Variants in METTL13 observed in about 807,000 individuals in gnomAD.
METTL13 encodes the protein eEF1A lysine and N-terminal methyltransferase.
In METTL13, 52 loss-of-function variants were observed where a neutral mutation model predicts 67.4. The observed-to-expected ratio is 0.77, with a 90% CI of 0.62 to 0.97. METTL13 has a LOEUF of 0.97. METTL13 is among the 50% of genes least tolerant of loss of function. METTL13 has a pLI of 0.00. For missense variants in METTL13, 825 were observed against 889.6 expected (o/e 0.93, Z 0.92); for synonymous variants, 354 against 353.6 (o/e 1.00, Z -0.01).
At chr1:171,782,788 C>T (rs537226464) in intron 1 of METTL13, among the ~76,000 whole-genome samples, 148 of 152,240 alleles carry the variant, frequency 9.7e-4, no homozygotes, top group African/African-American at 3.3e-3. Flanking sequence ...CTGCTCAGTC[C>T]TTAAACTATA....
rs1195121015 is a variant in METTL13, at chr1:171,797,066, C to G, written c.*310C>G. ...TGCCTTAACAAGTGTGTGCAAGCCC[C>G]TCAGAACTCAAGACATCCAAATTTT... On this transcript the variant is annotated 3_prime_UTR_variant, in exon 8 of 8. Transcript: ENST00000361735. 3.1e-6 allele frequency: 1 copy of G among 318,314 alleles called. No individual in the cohort carries two copies. Among genetic ancestry groups the G allele is most frequent in the Admixed American group, 4.6e-5 (1 of 21,584 alleles). The allele number at this position is 318,314 out of a possible 1,614,324, so 19.7% of individuals were successfully genotyped here. A position where few individuals can be genotyped will look rare whatever the true frequency, so the allele number is the denominator to read the frequency against.
In METTL13 at chr1:171,796,712, A is replaced by T; in HGVS notation, c.2056A>T (p.Thr686Ser). The T allele has an allele frequency of 6.2e-7, 1 of 1,614,204 alleles. No homozygotes were observed. Among genetic ancestry groups the T allele is most frequent in the South Asian group, 1.1e-5 (1 of 91,086 alleles). ...LRKPGRGWDDTYVLSDMLKTV... is the reference protein window; with the variant it reads ...LRKPGRGWDDSYVLSDMLKTV... The stretch of plus-strand genomic sequence containing the variant: ...GAAGCCTGGGAGGGGTTGGGATGAC[A>T]CGTATGTCTTGTCAGATATGCTCAA... The change falls in exon 8 of 8, where the codon ACG becomes TCG. Residue 686 changes from threonine (T) to serine (S), a missense_variant. Coordinates refer to ENST00000361735, the MANE Select transcript of METTL13 (RefSeq NM_015935.5).
At chr1:171,791,835 A>G (rs535957309) in intron 5 of METTL13, among the ~76,000 whole-genome samples, 182 bp from the exon 6 acceptor site, 2 of 152,350 alleles carry the variant, frequency 1.3e-5, no homozygotes, top group South Asian at 4.1e-4. Context: ...TCATGAATCC[A>G]GGATTCAGTT....
Position 171,784,135 on chromosome 1 carries a change from G to A in METTL13, c.549G>A (p.Val183=), listed in dbSNP as rs141898298. 2.3e-4 allele frequency: 373 copies of A among 1,614,252 alleles called. 2 individuals carry two copies. The African/African-American group carries it at 4.4e-3, about 19-fold the overall frequency. The part of the protein sequence containing the change: ...HFSREGWMVR[V]HQVANSQDQV... The stretch of plus-strand genomic sequence containing the variant: ...CCCGGGAGGGGTGGATGGTGAGGGT[G>A]CACCAAGTGGCCAACAGCCAGGACC... The change falls in exon 2 of 8, where the codon GTG becomes GTA. Residue 183 remains valine, a synonymous_variant. Coordinates refer to ENST00000361735, the MANE Select transcript of METTL13 (RefSeq NM_015935.5).
chr1:171,791,619 C>T (rs757675707), intron 5 of METTL13, among the ~76,000 whole-genome samples: 9 of 152,066 alleles, frequency 5.9e-5, no homozygotes, highest in Non-Finnish European at 1.2e-4. Context: ...GTGTGTGTCA[C>T]CATGCCCAGT....
intron 4 of METTL13, 131 bp from the exon 5 acceptor site, chr1:171,790,321 T>G: frequency 1.1e-6 from 1 of 894,670 alleles, no homozygotes; most frequent in Non-Finnish European, 1.6e-6. Context: ...CAACATGATG[T>G]CAACCAGTTT....
rs78779259 is a variant in METTL13, at chr1:171,790,487, C to T, written c.1345C>T (p.Arg449Trp). ...GCGGAAAAAGGACAGGAAGAAGCAG[C>T]GGCCTGCTGATGCGGAGGACCTCCC... The part of the protein sequence containing the change: ...KKRKKDRKKQ[R>W]PADAEDLPAA... The change falls in exon 5 of 8, where the codon CGG becomes TGG. Residue 449 changes from arginine (R) to tryptophan (W), a missense_variant. Transcript: ENST00000361735. The T allele has an allele frequency of 6.4e-4, 1,024 of 1,607,688 alleles. 6 individuals carry two copies. The African/African-American group carries it at 0.011, about 17-fold the overall frequency.
In METTL13 at chr1:171,796,861, C is replaced by A; in HGVS notation, c.*105C>A. The A allele has an allele frequency of 7.0e-7, 1 of 1,438,688 alleles. No homozygotes were observed. The highest frequency in any genetic ancestry group is 9.3e-7 in the Non-Finnish European group (1 of 1,073,116). 89.1% of individuals were successfully genotyped at this position (1,438,688 alleles called of 1,614,324 possible). A position where few individuals can be genotyped will look rare whatever the true frequency, so the allele number is the denominator to read the frequency against. On this transcript the variant is annotated 3_prime_UTR_variant, in exon 8 of 8. Transcript: ENST00000361735. ...AGTACTTTTGAAGCTTCGTATTTTT[C>A]TTGGTTTCACACTCAGCTACATGTG...
chr1:171,782,163 G>A (rs758965951), intron 1 of METTL13, 43 bp downstream of exon 1: 1 of 1,547,280 alleles, frequency 6.5e-7, no homozygotes, highest in Non-Finnish European at 8.9e-7. Context: ...TGCTCCGGAA[G>A]GTGGGAACTG....
At position 171,781,855 on chromosome 1, in the gene METTL13, G is replaced by A. The variant is rs906896971; in HGVS notation, c.-113G>A. ...CAAATCAATGTGGCTGTTTTTCCGTGGAAAGAATTCCCACTGCAGTGTCCC... is the reference window on the plus strand; with the variant it reads ...CAAATCAATGTGGCTGTTTTTCCGTAGAAAGAATTCCCACTGCAGTGTCCC... On this transcript the variant is annotated 5_prime_UTR_variant, in exon 1 of 8. Transcript: ENST00000361735. 6.6e-7 allele frequency: 1 copy of A among 1,525,330 alleles called. No homozygotes were observed. Among genetic ancestry groups the A allele is most frequent in the African/African-American group, 1.4e-5 (1 of 71,990 alleles). 94.5% of individuals were successfully genotyped at this position (1,525,330 alleles called of 1,614,324 possible).
In METTL13 at chr1:171,781,681, C is replaced by G. The variant is rs924858550; in HGVS notation, c.-287C>G. The G allele has an allele frequency of 2.8e-5, 27 of 958,096 alleles. No individual in the cohort carries two copies. Among genetic ancestry groups the G allele is most frequent in the Admixed American group, 2.1e-4 (5 of 23,778 alleles). 59.3% of individuals were successfully genotyped at this position (958,096 alleles called of 1,614,324 possible). ...TCGCACCCGGATATGGTTATGGGCTCGGAAATCTAGTTCGGGAAAAGTGTG... is the reference window on the plus strand; with the variant it reads ...TCGCACCCGGATATGGTTATGGGCTGGGAAATCTAGTTCGGGAAAAGTGTG... On this transcript the variant is annotated 5_prime_UTR_variant, in exon 1 of 8. Coordinates refer to ENST00000361735, the MANE Select transcript of METTL13 (RefSeq NM_015935.5).
In METTL13 at chr1:171,790,440, T is replaced by G; in HGVS notation, c.1310-12T>G. The G allele has an allele frequency of 1.9e-6, 3 of 1,575,344 alleles. No homozygotes were observed. Among genetic ancestry groups the G allele is most frequent in the Non-Finnish European group, 2.6e-6 (3 of 1,164,324 alleles). ...AGTGTACTAAGCATAGGGCTTCATA[T>G]CTCTTGTTTAGCCCAGAAGAAGCGG... On this transcript the variant is annotated splice_polypyrimidine_tract_variant and intron_variant, in intron 4 of 7. Coordinates refer to ENST00000361735, the MANE Select transcript of METTL13 (RefSeq NM_015935.5).
At chr1:171,796,380 A>C in intron 7 of METTL13, 102 bp from the exon 8 acceptor site, 1 of 1,399,384 alleles carries the variant, frequency 7.1e-7, no homozygotes, top group Non-Finnish European at 9.9e-7. Context: ...TTAGTCCACC[A>C]GTCTCCCTGG....
chr1:171,790,571 A>T lies in METTL13; in HGVS notation c.1429A>T (p.Met477Leu), dbSNP rs771743998. 1 of 1,603,554 alleles carries T rather than the reference A, an allele frequency of 6.2e-7. No individual in the cohort carries two copies. Among genetic ancestry groups the T allele is most frequent in the Non-Finnish European group, 8.5e-7 (1 of 1,176,250 alleles). Residue 477 changes from methionine (M) to leucine (L), a missense_variant, in exon 5 of 8, where the codon ATG (methionine) becomes TTG (leucine). Transcript: ENST00000361735. ...CCTGTGTTGTGAACACCACAAAGCC[A>T]TGATCGCTGGCCTTGCCCTGCTGAG... ...SYLCCEHHKA[M>L]IAGLALLRNP...
intron 4 of METTL13, 128 bp downstream of exon 4, chr1:171,788,058 G>T: frequency 3.6e-6 from 3 of 843,872 alleles, no homozygotes; most frequent in Non-Finnish European, 3.8e-6. Context: ...GACTCTTAGG[G>T]TGTGAATAGC....
intron 3 of METTL13, among the ~76,000 whole-genome samples, chr1:171,786,633 A>G (rs1160653199): frequency 2.0e-5 from 3 of 152,190 alleles, no homozygotes; most frequent in Non-Finnish European, 4.4e-5. Flanking sequence ...TTTTACTAAA[A>G]GAACTTCATG....
At chr1:171,792,827 C>T (rs1657250584) in intron 6 of METTL13, among the ~76,000 whole-genome samples, 1 of 152,048 alleles carries the variant, frequency 6.6e-6, no homozygotes, top group South Asian at 2.1e-4. Flanking sequence ...AATTATCTGG[C>T]CCAGAATTTC....
Position 171,787,926 on chromosome 1 carries a change from C to G in METTL13, c.1305C>G (p.His435Gln), listed in dbSNP as rs1231813300. The change falls in exon 4 of 8, where the codon CAC becomes CAG. Residue 435 changes from histidine (H) to glutamine (Q), a missense_variant. His to Gln is a conservative substitution (Grantham distance 24). Transcript: ENST00000361735. ...CCAGGTTGCTGAAGGATGTGTCTCA[C>G]AAAGGTGAGGTGTCATAGGCACAGT... ...SEARLLKDVSHKAQKKRKKDR... is the reference protein window; with the variant it reads ...SEARLLKDVSQKAQKKRKKDR... The G allele has an allele frequency of 6.2e-7, 1 of 1,613,242 alleles. No individual in the cohort carries two copies. The highest frequency in any genetic ancestry group is 8.5e-7 in the Non-Finnish European group (1 of 1,179,866).
In METTL13 at chr1:171,787,910, T is replaced by C. The variant is rs748637645; in HGVS notation, c.1289T>C (p.Leu430Pro). 1 of 1,613,686 alleles carries C rather than the reference T, an allele frequency of 6.2e-7. No homozygotes were observed. The highest frequency in any genetic ancestry group is 1.1e-5 in the South Asian group (1 of 91,034). ...RNVVQSEARL[L>P]KDVSHKAQKK... Reference sequence around the variant, plus strand: ...GTGGTGCAGTCCGAAGCCAGGTTGCTGAAGGATGTGTCTCACAAAGGTGAG... The same window carrying C: ...GTGGTGCAGTCCGAAGCCAGGTTGCCGAAGGATGTGTCTCACAAAGGTGAG... Residue 430 changes from leucine to proline, a missense_variant, in exon 4 of 8, where the codon CTG becomes CCG. Transcript: ENST00000361735.
Sources: allele counts gnomAD v4.1 joint callset (sites outside exome capture counted in the v4.1 genomes callset), GRCh38; gene constraint gnomAD v4.1.1; transcripts MANE v1.5; gene names NCBI Gene and HGNC (gene_info 2026-07-23, HGNC 2026-07-21).